Variants in PCDH15 observed in about 807,000 individuals in gnomAD.
PCDH15 encodes protocadherin related 15, also known as protocadherin-15.
In PCDH15, 129 loss-of-function variants were observed where a neutral mutation model predicts 178.5. The observed-to-expected ratio is 0.72, with a 90% CI of 0.63 to 0.84. The LOEUF is 0.84. PCDH15 is among the 40% of genes least tolerant of loss of function. The pLI is 0.00. For missense variants in PCDH15, 2,230 were observed against 2,099.9 expected (o/e 1.06, Z -1.21); for synonymous variants, 800 against 732.0 (o/e 1.09, Z -1.50).
At chr10:55,063,195 T>C (rs982900565) in intron 2 of PCDH15, among the ~76,000 whole-genome samples, 1 of 152,138 alleles carries the variant, frequency 6.6e-6, no homozygotes, top group Non-Finnish European at 1.5e-5. Context: ...AAAATGTACA[T>C]AAGTAGACTC....
At chr10:55,583,253 A>T (rs2132123003) in intron 2 of PCDH15, among the ~76,000 whole-genome samples, 1 of 152,332 alleles carries the variant, frequency 6.6e-6, no homozygotes. Flanking sequence ...ATAGTAAAAT[A>T]AAAATATTGA....
At chr10:54,818,128 A>T (rs922005583) in intron 3 of PCDH15, among the ~76,000 whole-genome samples, 1 of 151,880 alleles carries the variant, frequency 6.6e-6, no homozygotes, top group Non-Finnish European at 1.5e-5. Context: ...AGTTTAGATT[A>T]TTTTTGTTTA....
At chr10:55,068,211 A>G (rs141046789) in intron 2 of PCDH15, among the ~76,000 whole-genome samples, 10 of 152,164 alleles carry the variant, frequency 6.6e-5, no homozygotes, top group Middle Eastern at 3.4e-3. Context: ...CTTTGCATCA[A>G]CATAATACTT....
At chr10:55,392,453 G>A (rs187121530) in intron 2 of PCDH15, among the ~76,000 whole-genome samples, 123 of 152,224 alleles carry the variant, frequency 8.1e-4, no homozygotes, top group Non-Finnish European at 1.4e-3. Context: ...TTATACCTAA[G>A]GAAAACTAAG....
At chr10:54,690,245 T>G (rs2095095174) in intron 1 of PCDH15, among the ~76,000 whole-genome samples, 1 of 151,822 alleles carries the variant, frequency 6.6e-6, no homozygotes, top group Non-Finnish European at 1.5e-5. Context: ...CAATTATATA[T>G]AGTACATAAT....
At chr10:54,005,757 A>G (rs2135082557) in intron 20 of PCDH15, among the ~76,000 whole-genome samples, 1 of 152,198 alleles carries the variant, frequency 6.6e-6, no homozygotes, top group Middle Eastern at 3.4e-3. Flanking sequence ...GGAAGTTCCT[A>G]TAAAACTAAA....
At chr10:55,138,429 G>T (rs1023428893) in intron 2 of PCDH15, among the ~76,000 whole-genome samples, 1 of 152,066 alleles carries the variant, frequency 6.6e-6, no homozygotes, top group African/African-American at 2.4e-5. Context: ...GAGTATTCTT[G>T]AAGTAATTCC....
At chr10:55,057,994 T>A (rs1048807299) in intron 2 of PCDH15, among the ~76,000 whole-genome samples, 7 of 152,118 alleles carry the variant, frequency 4.6e-5, no homozygotes, top group Non-Finnish European at 7.4e-5. Flanking sequence ...GGGCCTTTTA[T>A]TTTATTTATC....
At chr10:55,158,776 A>G (rs956681456) in intron 2 of PCDH15, among the ~76,000 whole-genome samples, 9 of 151,952 alleles carry the variant, frequency 5.9e-5, no homozygotes, top group African/African-American at 1.9e-4. Context: ...GAGGCACTTG[A>G]TATATTTCTG....
At chr10:54,929,803 T>C (rs1409901864) in intron 2 of PCDH15, among the ~76,000 whole-genome samples, 6 of 152,198 alleles carry the variant, frequency 3.9e-5, no homozygotes, top group Non-Finnish European at 7.3e-5. Flanking sequence ...GTGTGAGGAA[T>C]TCACAGTTCT....
intron 25 of PCDH15, among the ~76,000 whole-genome samples, chr10:53,934,159 T>G (rs1589498548): frequency 6.6e-6 from 1 of 152,206 alleles, no homozygotes; most frequent in East Asian, 1.9e-4. Flanking sequence ...GATGAAAAGA[T>G]AAGAGAAGAT....
At chr10:55,322,689 T>C (rs1439990340), upstream of PCDH15, among the ~76,000 whole-genome samples, 1 of 151,894 alleles carries the variant, frequency 6.6e-6, no homozygotes, top group Non-Finnish European at 1.5e-5. Context: ...CTGTGGAACT[T>C]TGAACGTGTG....
chr10:54,556,744 T>C (rs1042876455), intron 2 of PCDH15, among the ~76,000 whole-genome samples: 23 of 151,412 alleles, frequency 1.5e-4, no homozygotes, highest in Admixed American at 7.3e-4. Context: ...GGTTATTACA[T>C]GCAATGGGTT....
chr10:55,510,722 A>G (rs561493481), intron 2 of PCDH15, among the ~76,000 whole-genome samples: 1 of 151,870 alleles, frequency 6.6e-6, no homozygotes, highest in Admixed American at 6.6e-5. Flanking sequence ...TGAGACCTCA[A>G]ACTAATTATC....
At chr10:55,092,103 C>T (rs1165821019) in intron 2 of PCDH15, among the ~76,000 whole-genome samples, 2 of 151,756 alleles carry the variant, frequency 1.3e-5, no homozygotes, top group Admixed American at 6.6e-5. Flanking sequence ...TCTGGAAAAG[C>T]TCAGGTACTA....
intron 2 of PCDH15, among the ~76,000 whole-genome samples, chr10:55,571,885 C>A (rs1842412827): frequency 6.6e-6 from 1 of 151,992 alleles, no homozygotes; most frequent in Non-Finnish European, 1.5e-5. Flanking sequence ...TGCACTGTAT[C>A]TTTGCAAAGC....
At chr10:55,384,951 G>A (rs1232634816) in intron 2 of PCDH15, among the ~76,000 whole-genome samples, 1 of 151,952 alleles carries the variant, frequency 6.6e-6, no homozygotes, top group Non-Finnish European at 1.5e-5. Flanking sequence ...CTACATATAG[G>A]TATATCACGA....
intron 2 of PCDH15, among the ~76,000 whole-genome samples, chr10:54,992,582 C>T (rs1037440396): frequency 1.3e-5 from 2 of 151,904 alleles, no homozygotes; most frequent in African/African-American, 4.8e-5. Flanking sequence ...GAAACCCTGT[C>T]TCTACTAAAA....
At chr10:54,758,731 A>G (rs1232840506) in intron 1 of PCDH15, among the ~76,000 whole-genome samples, 1 of 152,134 alleles carries the variant, frequency 6.6e-6, no homozygotes, top group Non-Finnish European at 1.5e-5. Context: ...TAAAAACCTA[A>G]CCAATTGAAC....
Sources: allele counts gnomAD v4.1 joint callset (sites outside exome capture counted in the v4.1 genomes callset), GRCh38; gene constraint gnomAD v4.1.1; transcripts MANE v1.5; gene names NCBI Gene and HGNC (gene_info 2026-07-23, HGNC 2026-07-21).